The following ATN1 variants were observed in gnomAD, a reference collection of about 807,000 sequenced individuals.
ATN1 encodes atrophin 1.
A neutral mutation model predicts 85.8 loss-of-function variants in ATN1; 19 were observed. The observed-to-expected ratio is 0.22, with a 90% CI of 0.15 to 0.32. The LOEUF is 0.32. Among genes scored for constraint, ATN1 ranks in the 10% least tolerant of loss-of-function variants. The pLI is 1.00. For synonymous variants in ATN1, 674 were observed against 657.0 expected, an observed-to-expected ratio of 1.03 and a Z score of -0.39; for missense variants, 1,453 against 1,564.5, an observed-to-expected ratio of 0.93 and a Z score of 1.20.
Position 6,934,700 on chromosome 12 carries a change from CT to C in ATN1, c.279+124del. 1.4e-6 allele frequency: 1 copy of C among 712,514 alleles called. No individual in the cohort carries two copies. The highest frequency in any genetic ancestry group is 2.4e-6 in the Non-Finnish European group (1 of 414,790). 44.1% of individuals were successfully genotyped at this position (712,514 alleles called of 1,614,324 possible). A position where few individuals can be genotyped will look rare whatever the true frequency, so the allele number is the denominator to read the frequency against. ...ATAAGAGAAAGGCCAGATCATAGTG[CT>C]TATGAGAGCAGTTCTGTCTATAATA... On this transcript the variant is annotated intron_variant, in intron 4 of 9. Transcript: ENST00000396684. The surrounding 1 kb of genome is among the most constrained non-coding windows in gnomAD (Gnocchi z 4.5).
chr12:6,931,715 CA>C (rs1197799382), intron 1 of ATN1, among the ~76,000 whole-genome samples: 2,380 of 57,288 alleles, frequency 0.042, 59 homozygotes, highest in African/African-American at 0.13. Flanking sequence ...AGATCCATCT[CA>C]AAAAAAAAAA....
intron 1 of ATN1, among the ~76,000 whole-genome samples, chr12:6,932,177 AC>A: frequency 6.6e-6 from 1 of 152,070 alleles, no homozygotes; most frequent in East Asian, 1.9e-4. Context: ...CTCACCCCTT[AC>A]TGCCTGCATC....
rs782433371 is a variant in ATN1 at position 6,937,171 on chromosome 12, G to C, written c.1904G>C (p.Gly635Ala). ...GGCTACAAAACGGCCTCCCCACCTG[G>C]GCCCCCACCGTACGGAAAGAGAGCC... Reference protein sequence around the residue: ...PAGYKTASPPGPPPYGKRAPS... With the variant: ...PAGYKTASPPAPPPYGKRAPS... The change falls in exon 5 of 10, where the codon GGG becomes GCG. Residue 635 changes from glycine to alanine, a missense_variant. By Grantham distance (60) the Gly-to-Ala change is moderately conservative (BLOSUM62 0). Transcript: ENST00000396684. This position sits in a 1 kb window ranked among gnomAD's most constrained non-coding sequence, Gnocchi z 6.0. 1.2e-6 allele frequency: 2 copies of C among 1,611,096 alleles called. No individual in the cohort carries two copies. Among genetic ancestry groups the C allele is most frequent in the East Asian group, 2.2e-5 (1 of 44,842 alleles).
Position 6,936,518 on chromosome 12 carries a change from C to T in ATN1, c.1251C>T (p.Ser417=), listed in dbSNP as rs1591663312. ...SYPHSFPPPT[S]LSVSNQPPKY... is the part of the protein sequence containing the mutation. ...CCCACTCTTTCCCTCCCCCAACAAGCCTCTCTGTCTCCAATCAGCCCCCCA... is the reference window on the plus strand; with the variant it reads ...CCCACTCTTTCCCTCCCCCAACAAGTCTCTCTGTCTCCAATCAGCCCCCCA... The change falls in exon 5 of 10, where the codon AGC becomes AGT. Residue 417 remains serine, a synonymous_variant. Coordinates refer to ENST00000396684, the MANE Select transcript of ATN1 (RefSeq NM_001940.4). The T allele has an allele frequency of 2.5e-6, 4 of 1,605,696 alleles. No individual in the cohort carries two copies. The highest frequency in any genetic ancestry group is 4.5e-5 in the East Asian group (2 of 44,714).
intron 1 of ATN1, among the ~76,000 whole-genome samples, chr12:6,931,637 C>G (rs1207856163): frequency 6.7e-6 from 1 of 149,646 alleles, no homozygotes; most frequent in East Asian, 2.0e-4. Context: ...TCGCTTGAAC[C>G]TGGGAGGCGG....
Position 6,937,874 on chromosome 12 carries a change from A to C in ATN1, c.2324A>C (p.Asn775Thr). 1 of 1,587,948 alleles carries C rather than the reference A, an allele frequency of 6.3e-7. No homozygotes were observed. Among genetic ancestry groups the C allele is most frequent in the Non-Finnish European group, 8.6e-7 (1 of 1,168,262 alleles). The change falls in exon 6 of 10, where the codon AAC becomes ACC. Residue 775 changes from asparagine to threonine, a missense_variant. Asn to Thr is a moderately conservative substitution (Grantham distance 65, BLOSUM62 0). Around this residue, in one of 6 missense-constraint regions of ATN1, gnomAD observed 990 missense variants for 914.8 expected, o/e 1.08. Coordinates refer to ENST00000396684, the MANE Select transcript of ATN1 (RefSeq NM_001940.4). The surrounding 1 kb of genome is among the most constrained non-coding windows in gnomAD (Gnocchi z 6.0). ...AACAAACACCTGGATCGCGGCTTCA[A>C]CTCGTGCGCGCGCAGCGACCTGTAC... is the stretch of plus-strand genomic sequence containing the variant. ...RFNKHLDRGF[N>T]SCARSDLYFV... is the part of the protein sequence containing the mutation.
At chr12:6,938,460 A>C (rs945463408) in intron 6 of ATN1, 21 bp from the exon 7 acceptor site, 3 of 1,587,620 alleles carry the variant, frequency 1.9e-6, no homozygotes, top group Non-Finnish European at 2.6e-6. Flanking sequence ...CTTTGACTCC[A>C]CTTTTCCCTG....
At chr12:6,938,457 T>C (rs1555144203) in intron 6 of ATN1, 24 bp from the exon 7 acceptor site, 6 of 1,582,228 alleles carry the variant, frequency 3.8e-6, no homozygotes, top group Non-Finnish European at 4.3e-6. Context: ...CCGCTTTGAC[T>C]CCACTTTTCC....
At position 6,938,005 on chromosome 12, in the gene ATN1, C is replaced by T; in HGVS notation, c.2455C>T (p.Arg819Cys). 1 of 1,542,052 alleles carries T rather than the reference C, an allele frequency of 6.5e-7. No homozygotes were observed. ...CGCGCGCGAAGAAAAGGAGCGCGAGCGCGAGCGGGAACGCGAGAAAGAGCG... is the reference window on the plus strand; with the variant it reads ...CGCGCGCGAAGAAAAGGAGCGCGAGTGCGAGCGGGAACGCGAGAAAGAGCG... Reference protein sequence around the residue: ...QRAREEKEREREREREKERER... With the variant: ...QRAREEKERECEREREKERER... The change falls in exon 6 of 10, where the codon CGC (arginine) becomes TGC (cysteine). Residue 819 changes from arginine to cysteine, a missense_variant. Arg to Cys is a radical substitution (Grantham distance 180, BLOSUM62 -3). Around this residue, in one of 6 missense-constraint regions of ATN1, gnomAD observed 990 missense variants for 914.8 expected, o/e 1.08. Coordinates refer to ENST00000396684, the MANE Select transcript of ATN1 (RefSeq NM_001940.4).
chr12:6,936,559 C>G lies in ATN1; in HGVS notation c.1292C>G (p.Ser431Cys). The change falls in exon 5 of 10, where the codon TCT becomes TGT. Residue 431 changes from serine (S) to cysteine (C), a missense_variant. By Grantham distance (112) the Ser-to-Cys change is moderately radical (BLOSUM62 -1). Coordinates refer to ENST00000396684, the MANE Select transcript of ATN1 (RefSeq NM_001940.4). The part of the protein sequence containing the change: ...SNQPPKYTQP[S>C]LPSQAVWSQG... ...CAGCCCCCCAAGTATACTCAGCCTT[C>G]TCTCCCATCCCAGGCTGTGTGGAGC... The G allele has an allele frequency of 6.2e-7, 1 of 1,611,044 alleles. No homozygotes were observed. The highest frequency in any genetic ancestry group is 8.5e-7 in the Non-Finnish European group (1 of 1,179,560).
At position 6,941,250 on chromosome 12, in the gene ATN1, ACT is replaced by A; in HGVS notation, c.3359-123_3359-122del. ...CACCCTACCACTGGCAACTTACAGAACTGGGTGTGTTACCTCACTTTTTAGTT... is the reference window on the plus strand; with the variant it reads ...CACCCTACCACTGGCAACTTACAGAAGGGTGTGTTACCTCACTTTTTAGTT... On this transcript the variant is annotated intron_variant, in intron 8 of 9. Transcript: ENST00000396684. The surrounding 1 kb of genome is among the most constrained non-coding windows in gnomAD (Gnocchi z 5.9). The A allele has an allele frequency of 1.5e-6, 2 of 1,305,360 alleles. No homozygotes were observed. Among genetic ancestry groups the A allele is most frequent in the South Asian group, 2.9e-5 (2 of 69,542 alleles). The allele number at this position is 1,305,360 out of a possible 1,614,324, so 80.9% of individuals were successfully genotyped here.
At chr12:6,940,826 T>G in intron 7 of ATN1, 54 bp from the exon 8 acceptor site, 1 of 1,610,398 alleles carries the variant, frequency 6.2e-7, no homozygotes. Context: ...CCCAAATGCA[T>G]GGTTTGCCCC....
Position 6,941,839 on chromosome 12 carries a change from T to C in ATN1, c.*59T>C, listed in dbSNP as rs1591668841. 1 of 1,561,586 alleles carries C rather than the reference T, an allele frequency of 6.4e-7. No individual in the cohort carries two copies. Among genetic ancestry groups the C allele is most frequent in the Non-Finnish European group, 8.8e-7 (1 of 1,134,150 alleles). On this transcript the variant is annotated 3_prime_UTR_variant, in exon 10 of 10. Coordinates refer to ENST00000396684, the MANE Select transcript of ATN1 (RefSeq NM_001940.4). The surrounding 1 kb of genome is among the most constrained non-coding windows in gnomAD (Gnocchi z 5.9). ...ATTGGACCTTGGAGCACCCCCACCC[T>C]CCCCCCACCGTGCCCTTGGCCTGCC... is the stretch of plus-strand genomic sequence containing the variant.
rs372394263 is a variant in ATN1, at chr12:6,929,993, G to A, written c.-163+1609G>A. On this transcript the variant is annotated intron_variant, in intron 1 of 9. Coordinates refer to ENST00000396684, the MANE Select transcript of ATN1 (RefSeq NM_001940.4). Reference sequence around the variant, plus strand: ...CTTGTAGAAATGGCTGGGCTCCCAGGCCCATCCCAGGTGAGGGTGGCCCAG... The same window carrying A: ...CTTGTAGAAATGGCTGGGCTCCCAGACCCATCCCAGGTGAGGGTGGCCCAG... Among the ~76,000 whole-genome samples, 4 of 152,248 alleles carry A rather than the reference G, an allele frequency of 2.6e-5. 1 individual carries two copies.
At chr12:6,931,591 G>GT (rs1174501506) in intron 1 of ATN1, among the ~76,000 whole-genome samples, 30 of 151,662 alleles carry the variant, frequency 2.0e-4, no homozygotes, top group African/African-American at 7.3e-4. Flanking sequence ...GTGTGCGCTT[G>GT]TAATCCCAGC....
Position 6,938,585 on chromosome 12 carries a change from C to T in ATN1, c.2622C>T (p.Pro874=). The change falls in exon 7 of 10, where the codon CCC becomes CCT. Residue 874 remains proline, a synonymous_variant. Transcript: ENST00000396684. The part of the protein sequence containing the change: ...EPGSAVATVP[P]YLGPDTPALR... ...GCAGTGCGGTGGCTACAGTGCCCCCCTACCTGGGTCCTGACACTCCAGCCT... is the reference window on the plus strand; with the variant it reads ...GCAGTGCGGTGGCTACAGTGCCCCCTTACCTGGGTCCTGACACTCCAGCCT... The T allele has an allele frequency of 6.2e-7, 1 of 1,614,234 alleles. No homozygotes were observed. Among genetic ancestry groups the T allele is most frequent in the South Asian group, 1.1e-5 (1 of 91,086 alleles).
In ATN1 at chr12:6,940,963, C is replaced by T. The variant is rs947688180; in HGVS notation, c.3298C>T (p.Pro1100Ser). The T allele has an allele frequency of 1.9e-6, 3 of 1,614,228 alleles. No individual in the cohort carries two copies. Among genetic ancestry groups the T allele is most frequent in the Non-Finnish European group, 2.5e-6 (3 of 1,180,046 alleles). ...TRIPYPAGTL[P>S]NPLLPHPLHE... ...GATCCCCTACCCAGCTGGAACTCTC[C>T]CTAACCCCCTGCTTCCTCACCCTCT... The change falls in exon 8 of 10, where the codon CCT (proline) becomes TCT (serine). Residue 1100 changes from proline to serine, a missense_variant. Coordinates refer to ENST00000396684, the MANE Select transcript of ATN1 (RefSeq NM_001940.4).
At position 6,937,676 on chromosome 12, in the gene ATN1, C is replaced by A. The variant is rs1945568701; in HGVS notation, c.2294+115C>A. 3 of 1,425,954 alleles carry A rather than the reference C, an allele frequency of 2.1e-6. No homozygotes were observed. Among genetic ancestry groups the A allele is most frequent in the South Asian group, 2.9e-5 (2 of 67,876 alleles). The allele number at this position is 1,425,954 out of a possible 1,614,324, so 88.3% of individuals were successfully genotyped here. On this transcript the variant is annotated intron_variant, in intron 5 of 9. Coordinates refer to ENST00000396684, the MANE Select transcript of ATN1 (RefSeq NM_001940.4). The surrounding 1 kb of genome is among the most constrained non-coding windows in gnomAD (Gnocchi z 6.0). ...GCTGGTGTAGTGTTTTAGAAAAGCACGCCCCTCTCCTCCGTCCAGGCCTAG... is the reference window on the plus strand; with the variant it reads ...GCTGGTGTAGTGTTTTAGAAAAGCAAGCCCCTCTCCTCCGTCCAGGCCTAG...
In ATN1 at chr12:6,937,995, GGAGCGC is replaced by G. The variant is rs1160217430; in HGVS notation, c.2457_2462del (p.Arg823_Glu824del). 1.1e-5 allele frequency: 17 copies of G among 1,546,194 alleles called. No homozygotes were observed. The highest frequency in any genetic ancestry group is 2.0e-5 in the Admixed American group (1 of 50,802). ...CCGAGCAGCGCGCGCGCGAAGAAAA[GGAGCGC>G]GAGCGCGAGCGGGAACGCGAGAAAG... On this transcript the variant is annotated inframe_deletion, in exon 6 of 10. Transcript: ENST00000396684. This position sits in a 1 kb window ranked among gnomAD's most constrained non-coding sequence, Gnocchi z 6.0.
Sources: gnomAD v4.1 joint callset for allele counts (sites outside exome capture counted in the v4.1 genomes callset) on GRCh38, gnomAD v4.1.1 for gene constraint, gnomAD v4.1.1 regional missense constraint, Gnocchi (gnomAD v3.1) non-coding constraint, MANE v1.5 for transcripts, NCBI Gene and HGNC (gene_info 2026-07-23, HGNC 2026-07-21) for gene names.